CDH3: variants seen among roughly 807,000 people sequenced by gnomAD.
The protein encoded by CDH3 is cadherin 3.
Under a neutral mutation model 82.0 loss-of-function variants are expected in CDH3, and 54 were observed. The observed-to-expected ratio is 0.66, with a 90% CI of 0.53 to 0.83. The LOEUF (loss-of-function observed/expected upper bound fraction) is 0.83, where lower values mean the gene tolerates loss of function less well. Ranked by LOEUF, CDH3 falls within the 40% of genes least tolerant of loss-of-function variation. CDH3 has a pLI of 0.00. For missense variants in CDH3, 1,054 were observed against 1,084.6 expected (o/e 0.97, Z 0.40); for synonymous variants, 446 against 437.9 (o/e 1.02, Z -0.23).
intron 2 of CDH3, among the ~76,000 whole-genome samples, chr16:68,667,697 C>T (rs574017124): frequency 4.6e-5 from 7 of 152,220 alleles, no homozygotes; most frequent in African/African-American, 1.7e-4. Context: ...CTTTCTTTTC[C>T]CAATAGCTCT....
At chr16:68,690,046 C>T (rs150027710) in intron 12 of CDH3, among the ~76,000 whole-genome samples, 2 of 152,290 alleles carry the variant, frequency 1.3e-5, no homozygotes, top group East Asian at 3.9e-4. Flanking sequence ...ATGTTCGTCA[C>T]CCACACACAT....
At chr16:68,678,348 T>C in intron 4 of CDH3, 71 bp downstream of exon 4, 2 of 1,595,884 alleles carry the variant, frequency 1.3e-6, no homozygotes. Context: ...TGCATGAGAT[T>C]TCTTGCTACT....
chr16:68,710,874 G>GGAGA (rs1036962222), intron 1 of CDH3, among the ~76,000 whole-genome samples: 6 of 144,814 alleles, frequency 4.1e-5, no homozygotes, highest in Non-Finnish European at 9.1e-5. Flanking sequence ...AGAGAAAAAG[G>GGAGA]GAGAGAGAGA....
At chr16:68,726,015 C>T (rs1333579591) in intron 2 of CDH3, among the ~76,000 whole-genome samples, 2 of 151,948 alleles carry the variant, frequency 1.3e-5, no homozygotes, top group Admixed American at 1.3e-4. Context: ...GCTGAGATTG[C>T]ACTACTGCAC....
chr16:68,645,686 G>A lies in CDH3; in HGVS notation c.96G>A (p.Arg32=). The A allele has an allele frequency of 6.5e-7, 1 of 1,546,082 alleles. No homozygotes were observed. The change falls in exon 2 of 16, where the codon AGG becomes AGA. Residue 32 remains arginine, a synonymous_variant. Transcript: ENST00000264012. ...AASEPCRAVF[R]EAEVTLEAGG... is the part of the protein sequence containing the mutation. ...CCGAGCCGTGCCGGGCGGTCTTCAG[G>A]GAGGCTGAAGTGACCTTGGAGGCGG...
chr16:68,698,615 C>G lies in CDH3; in HGVS notation c.*215C>G, dbSNP rs989107647. Reference sequence around the variant, plus strand: ...AGTTTGACTTCAGCACTGAAAACCTCTCCACCTGGGCCAGGGTTGCCTCAG... The same window carrying G: ...AGTTTGACTTCAGCACTGAAAACCTGTCCACCTGGGCCAGGGTTGCCTCAG... On this transcript the variant is annotated 3_prime_UTR_variant, in exon 16 of 16. Transcript: ENST00000264012. The G allele has an allele frequency of 3.6e-5, 21 of 585,708 alleles. No homozygotes were observed. Among genetic ancestry groups the G allele is most frequent in the Non-Finnish European group, 6.4e-5 (21 of 329,524 alleles). 36.3% of individuals were successfully genotyped at this position (585,708 alleles called of 1,614,324 possible). A position where few individuals can be genotyped will look rare whatever the true frequency, so the allele number is the denominator to read the frequency against.
intron 15 of CDH3, among the ~76,000 whole-genome samples, chr16:68,697,275 G>A (rs1449333805): frequency 1.3e-5 from 2 of 150,668 alleles, no homozygotes; most frequent in African/African-American, 2.4e-5. Flanking sequence ...AGTGAGCCGA[G>A]ATCACATCAT....
Position 68,678,913 on chromosome 16 carries a change from G to A in CDH3, c.691+7G>A, listed in dbSNP as rs777466922. 1 of 1,613,284 alleles carries A rather than the reference G, an allele frequency of 6.2e-7. No individual in the cohort carries two copies. Among genetic ancestry groups the A allele is most frequent in the South Asian group, 1.1e-5 (1 of 91,078 alleles). ...TTAGAGGGAGTCCTACCAGGTAAGA[G>A]GACTGGGAAGGGGACTGCTACGGGG... On this transcript the variant is annotated splice_region_variant and intron_variant, in intron 6 of 15. Transcript: ENST00000264012.
In CDH3 at chr16:68,707,565, A is replaced by G. The variant is rs1275874175; in HGVS notation, c.99+11642A>G. ...GTCTGAGAGCGCCCTGTAGTCTGGT[A>G]GGGCGGTGGCTAAGACAGCAGCCCC... On this transcript the variant is annotated intron_variant, in intron 1 of 2. Coordinates refer to the CDH3 transcript ENST00000569080. The surrounding 1 kb of genome is among the most constrained non-coding windows in gnomAD (Gnocchi z 4.5). 6.6e-6 allele frequency among the ~76,000 whole-genome samples: 1 copy of G among 152,094 alleles called. No homozygotes were observed. The highest frequency in any genetic ancestry group is 1.9e-4 in the East Asian group (1 of 5,186).
chr16:68,692,197 C>T (rs1313942977), intron 13 of CDH3, among the ~76,000 whole-genome samples: 2 of 152,184 alleles, frequency 1.3e-5, no homozygotes, highest in Non-Finnish European at 2.9e-5. Flanking sequence ...CCACCACGCC[C>T]AGCTCATTTT....
At chr16:68,684,324 A>G (rs764110905) in intron 9 of CDH3, among the ~76,000 whole-genome samples, 43 of 152,126 alleles carry the variant, frequency 2.8e-4, no homozygotes, top group Non-Finnish European at 1.2e-4. Context: ...CAGTTTTCTC[A>G]AACATCACCA....
At chr16:68,689,472 G>GT (rs1212196083) in intron 12 of CDH3, among the ~76,000 whole-genome samples, 3 of 151,802 alleles carry the variant, frequency 2.0e-5, no homozygotes, top group Non-Finnish European at 4.4e-5. Flanking sequence ...GGAGGTGGAA[G>GT]TTGCAGTGAG....
Position 68,695,801 on chromosome 16 carries a change from C to T in CDH3, c.2158C>T (p.Arg720Ter), listed in dbSNP as rs368064604. ...GGACTATGACATCACCCAGCTCCAC[C>T]GAGGTCTGGAGGCCAGGCCGGAGGT... ...DQDYDITQLH[R>*]GLEARPEVVL... is the part of the protein sequence containing the mutation. Residue 720 changes from arginine (R) to a stop codon, truncating the protein, a stop_gained, in exon 15 of 16, where the codon CGA (arginine) becomes TGA (stop). Transcript: ENST00000264012. LOFTEE classifies it high-confidence loss of function. 7 of 1,614,130 alleles carry T rather than the reference C, an allele frequency of 4.3e-6. No individual in the cohort carries two copies. The highest frequency in any genetic ancestry group is 1.3e-5 in the African/African-American group (1 of 75,024).
rs75568828 is a variant in CDH3 at position 68,707,872 on chromosome 16, G to A, written c.99+11949G>A. On this transcript the variant is annotated intron_variant, in intron 1 of 2. Coordinates refer to the CDH3 transcript ENST00000569080. This position sits in a 1 kb window ranked among gnomAD's most constrained non-coding sequence, Gnocchi z 4.5. ...GGGAGGAATCTGAGAGGGGCGGGGC[G>A]GGTCAGGAATGCCTGGGCTCCGTTC... Among the ~76,000 whole-genome samples the A allele has an allele frequency of 6.7e-3, 1,012 of 151,896 alleles. 12 individuals carry two copies. Among genetic ancestry groups the A allele is most frequent in the African/African-American group, 0.023 (963 of 41,416 alleles).
chr16:68,657,277 G>A (rs1960431240), intron 2 of CDH3, among the ~76,000 whole-genome samples: 1 of 152,154 alleles, frequency 6.6e-6, no homozygotes, highest in African/African-American at 2.4e-5. Flanking sequence ...ACTTTGGGAG[G>A]CCTAGGCGGG....
intron 1 of CDH3, among the ~76,000 whole-genome samples, chr16:68,715,506 C>T (rs201098978): frequency 2.9e-4 from 44 of 152,020 alleles, no homozygotes; most frequent in Non-Finnish European, 5.9e-4. Context: ...GGAACTGGGG[C>T]GATGTTCAAG....
Position 68,698,272 on chromosome 16 carries a change from G to T in CDH3, c.2362G>T (p.Asp788Tyr). 1 of 1,614,214 alleles carries T rather than the reference G, an allele frequency of 6.2e-7. No homozygotes were observed. Among genetic ancestry groups the T allele is most frequent in the Non-Finnish European group, 8.5e-7 (1 of 1,180,034 alleles). ...LVFDYEGSGS[D>Y]AASLSSLTSS... The stretch of plus-strand genomic sequence containing the variant: ...GTTCGACTATGAGGGCAGCGGCTCC[G>T]ACGCCGCGTCCCTGAGCTCCCTCAC... Residue 788 changes from aspartate (D) to tyrosine (Y), a missense_variant, in exon 16 of 16, where the codon GAC becomes TAC. Coordinates refer to ENST00000264012, the MANE Select transcript of CDH3 (RefSeq NM_001793.6).
At chr16:68,684,849 G>A (rs1961359515) in intron 10 of CDH3, 25 bp downstream of exon 10, 1 of 1,613,666 alleles carries the variant, frequency 6.2e-7, no homozygotes, top group African/African-American at 1.3e-5. Context: ...GGCTCAGTAA[G>A]CAGCACGTAC....
At position 68,687,663 on chromosome 16, in the gene CDH3, C is replaced by T. The variant is rs748740405; in HGVS notation, c.1722C>T (p.Pro574=). 10 of 1,613,970 alleles carry T rather than the reference C, an allele frequency of 6.2e-6. No individual in the cohort carries two copies. The highest frequency in any genetic ancestry group is 1.6e-4 in the Middle Eastern group (1 of 6,084). The change falls in exon 12 of 16, where the codon CCC becomes CCT. Residue 574 remains proline, a synonymous_variant. Transcript: ENST00000264012. The part of the protein sequence containing the change: ...VLNITDKDLS[P]HTSPFQAQLT... ...ACATCACGGACAAGGACCTGTCTCC[C>T]CACACCTCCCCTTTCCAGGCCCAGC...
Sources: allele counts gnomAD v4.1 joint callset (sites outside exome capture counted in the v4.1 genomes callset), GRCh38; gene constraint gnomAD v4.1.1; non-coding constraint Gnocchi (gnomAD v3.1); transcripts MANE v1.5; gene names NCBI Gene and HGNC (gene_info 2026-07-23, HGNC 2026-07-21).